IGFL2: variants seen among roughly 807,000 people sequenced by gnomAD.
The protein encoded by IGFL2 is IGF like family member 2.
Under a neutral mutation model 13.9 loss-of-function variants are expected in IGFL2, and 7 were observed. The ratio of observed to expected loss-of-function variants is 0.51; its 90% confidence interval spans 0.29 to 0.95. IGFL2 has a LOEUF of 0.95. IGFL2 is among the 40% of genes least tolerant of loss of function. IGFL2 has a pLI of 0.08. For synonymous variants in IGFL2, 55 were observed against 55.8 expected (o/e 0.99, Z 0.07); for missense variants, 138 against 147.8 (o/e 0.93, Z 0.34).
intron 1 of IGFL2, among the ~76,000 whole-genome samples, chr19:46,150,232 T>G (rs961685454): frequency 6.6e-6 from 1 of 152,202 alleles, no homozygotes; most frequent in African/African-American, 2.4e-5. Context: ...TTTATTTTAT[T>G]ATTATTTAGT....
At chr19:46,092,436 G>T in the IGFL2 span, among the ~76,000 whole-genome samples, 1 of 152,026 alleles carries the variant, frequency 6.6e-6, no homozygotes, top group Non-Finnish European at 1.5e-5. Flanking sequence ...TTTGAGACCA[G>T]TCTGGTCAAC....
the IGFL2 span, among the ~76,000 whole-genome samples, chr19:46,173,026 C>T: frequency 9.9e-5 from 15 of 152,250 alleles, no homozygotes; most frequent in Middle Eastern, 3.4e-3. Context: ...ATCTGGGAGA[C>T]GGACTAGCAT....
chr19:46,167,846 G>A, the IGFL2 span, among the ~76,000 whole-genome samples: 2 of 152,180 alleles, frequency 1.3e-5, no homozygotes, highest in Non-Finnish European at 2.9e-5. Context: ...GTGAGAGGGC[G>A]GCTGTCTGCA....
the IGFL2 span, chr19:46,207,731 C>T: frequency 6.6e-6 from 1 of 152,288 alleles, no homozygotes; most frequent in South Asian, 2.1e-4. Flanking sequence ...CTGAAAGAGT[C>T]TCATCTGGAA....
chr19:46,093,108 CCT>C, the IGFL2 span, among the ~76,000 whole-genome samples: 1 of 151,954 alleles, frequency 6.6e-6, no homozygotes, highest in Non-Finnish European at 1.5e-5. Flanking sequence ...GTAGAAGTTG[CCT>C]CTCTTTATTG....
the IGFL2 span, among the ~76,000 whole-genome samples, chr19:46,194,287 C>T: frequency 3.9e-5 from 6 of 152,150 alleles, no homozygotes; most frequent in African/African-American, 1.4e-4. Context: ...ACTCCACGGT[C>T]TGCAAGGGCC....
At chr19:46,105,204 C>T in the IGFL2 span, among the ~76,000 whole-genome samples, 2 of 152,138 alleles carry the variant, frequency 1.3e-5, no homozygotes, top group African/African-American at 2.4e-5. Flanking sequence ...CCTCTTTCAG[C>T]CCATATAACA....
At chr19:46,181,794 A>T in the IGFL2 span, among the ~76,000 whole-genome samples, 1 of 152,196 alleles carries the variant, frequency 6.6e-6, no homozygotes, top group African/African-American at 2.4e-5. Context: ...AAATAACAAA[A>T]GTCTTTGCAA....
upstream of IGFL2, among the ~76,000 whole-genome samples, chr19:46,139,955 C>T (rs919274585): frequency 2.0e-5 from 3 of 151,314 alleles, no homozygotes; most frequent in Non-Finnish European, 3.0e-5. Context: ...CACACACACA[C>T]ATATATATTT....
the IGFL2 span, among the ~76,000 whole-genome samples, chr19:46,080,006 C>T: frequency 6.6e-6 from 1 of 151,740 alleles, no homozygotes; most frequent in Admixed American, 6.6e-5. Context: ...AGTTGGAAAA[C>T]GTGCGTCAGA....
At chr19:46,194,852 A>AT in the IGFL2 span, among the ~76,000 whole-genome samples, 12 of 31,588 alleles carry the variant, frequency 3.8e-4, no homozygotes, top group East Asian at 1.1e-3. Context: ...ATATATATAT[A>AT]TTTTTTTTTT....
chr19:46,161,177 A>G lies in IGFL2; in HGVS notation c.*89A>G, dbSNP rs1974148950. 3.0e-6 allele frequency: 3 copies of G among 1,000,412 alleles called. No individual in the cohort carries two copies. 62.0% of individuals were successfully genotyped at this position (1,000,412 alleles called of 1,614,324 possible). ...GTGTACCAGTAGAGAAGCCTGAGGA[A>G]TTTACAAAATGATGCAGCTCCAAGC... On this transcript the variant is annotated 3_prime_UTR_variant, in exon 4 of 4. Transcript: ENST00000377693.
the IGFL2 span, among the ~76,000 whole-genome samples, chr19:46,180,148 T>C: frequency 6.6e-6 from 1 of 151,980 alleles, no homozygotes; most frequent in African/African-American, 2.4e-5. Flanking sequence ...ACACCTGCTT[T>C]ACTGAGGCAC....
chr19:46,178,716 C>G, the IGFL2 span, among the ~76,000 whole-genome samples: 17 of 152,346 alleles, frequency 1.1e-4, no homozygotes, highest in African/African-American at 3.6e-4. Context: ...TTAGCTCTTT[C>G]AACCAATCAG....
the IGFL2 span, among the ~76,000 whole-genome samples, chr19:46,179,894 C>A: frequency 1.3e-5 from 2 of 151,748 alleles, no homozygotes; most frequent in South Asian, 4.2e-4. Flanking sequence ...CCAGCCTGGG[C>A]GACAGAGTGA....
At chr19:46,212,713 TTCTCTCTCTC>T in the IGFL2 span, 3 of 148,614 alleles carry the variant, frequency 2.0e-5, no homozygotes, top group Admixed American at 6.7e-5. Context: ...TTCTCCTACC[TTCTCTCTCTC>T]TCTCTCTCTC....
the IGFL2 span, among the ~76,000 whole-genome samples, chr19:46,125,187 C>T: frequency 6.6e-6 from 1 of 152,286 alleles, no homozygotes; most frequent in Middle Eastern, 3.4e-3. Flanking sequence ...GAGTTGCCAC[C>T]TGCTCTAGCA....
At chr19:46,104,663 A>T in the IGFL2 span, among the ~76,000 whole-genome samples, 1 of 152,170 alleles carries the variant, frequency 6.6e-6, no homozygotes, top group African/African-American at 2.4e-5. Context: ...GACAGGGGCA[A>T]ATCCCTGAGC....
chr19:46,080,409 T>C, the IGFL2 span, among the ~76,000 whole-genome samples: 1 of 152,126 alleles, frequency 6.6e-6, no homozygotes, highest in African/African-American at 2.4e-5. Context: ...AAAAAAAGAA[T>C]AAATTTAAAA....
Sources: gnomAD v4.1 joint callset for allele counts (sites outside exome capture counted in the v4.1 genomes callset) on GRCh38, gnomAD v4.1.1 for gene constraint, MANE v1.5 for transcripts, NCBI Gene and HGNC (gene_info 2026-07-23, HGNC 2026-07-21) for gene names.